SPIDR: variants seen among roughly 807,000 people sequenced by gnomAD.
SPIDR encodes DNA repair-scaffolding protein.
A neutral mutation model predicts 104.6 loss-of-function variants in SPIDR; 93 were observed. The ratio of observed to expected loss-of-function variants is 0.89; its 90% confidence interval spans 0.75 to 1.06. SPIDR has a LOEUF of 1.06. Ranked by LOEUF, SPIDR falls within the 50% of genes least tolerant of loss-of-function variation. The pLI, the probability that SPIDR is intolerant of heterozygous loss-of-function variation, is 0.00. For missense variants in SPIDR, 1,154 were observed against 1,111.2 expected (o/e 1.04, Z -0.55); for synonymous variants, 431 against 416.9 (o/e 1.03, Z -0.41).
chr8:47,373,400 G>A (rs1563773787), intron 5 of SPIDR, among the ~76,000 whole-genome samples: 1 of 152,148 alleles, frequency 6.6e-6, no homozygotes, highest in Non-Finnish European at 1.5e-5. Context: ...AGTACTTTGT[G>A]TGGTGTTTGG....
intron 8 of SPIDR, among the ~76,000 whole-genome samples, chr8:47,505,707 C>T (rs965298119): frequency 9.9e-5 from 15 of 152,182 alleles, no homozygotes; most frequent in Admixed American, 3.3e-4. Context: ...GCGTTGGTCA[C>T]GCTGGGAGCT....
chr8:47,502,845 C>T (rs1586787239), intron 8 of SPIDR, among the ~76,000 whole-genome samples: 1 of 152,166 alleles, frequency 6.6e-6, no homozygotes, highest in Non-Finnish European at 1.5e-5. Context: ...TGTCTTTGTT[C>T]TCATTGGTTT....
At chr8:47,631,391 G>C (rs550312602) in intron 10 of SPIDR, among the ~76,000 whole-genome samples, 21 of 152,334 alleles carry the variant, frequency 1.4e-4, no homozygotes, top group African/African-American at 2.2e-4. Context: ...CAAAGTAAGA[G>C]CTGAGGCTTT....
chr8:47,410,914 G>T (rs1554670879), intron 7 of SPIDR, among the ~76,000 whole-genome samples: 1 of 152,070 alleles, frequency 6.6e-6, no homozygotes, highest in Non-Finnish European at 1.5e-5. Context: ...GTGGTGTTCG[G>T]TTTTTTGTCC....
intron 6 of SPIDR, among the ~76,000 whole-genome samples, chr8:47,405,073 A>T (rs1258209663): frequency 6.6e-6 from 1 of 152,164 alleles, no homozygotes; most frequent in East Asian, 1.9e-4. Flanking sequence ...ATGAAGCTGG[A>T]AACCATCATT....
intron 5 of SPIDR, among the ~76,000 whole-genome samples, chr8:47,331,861 T>A (rs2154268386): frequency 6.7e-6 from 1 of 150,310 alleles, no homozygotes; most frequent in African/African-American, 2.4e-5. Context: ...TACAGAAGTA[T>A]TTTTTTTTGA....
At chr8:47,565,647 TTC>T (rs1488944571) in intron 8 of SPIDR, among the ~76,000 whole-genome samples, 2 of 151,860 alleles carry the variant, frequency 1.3e-5, no homozygotes, top group Non-Finnish European at 2.9e-5. Flanking sequence ...CTCATTTGTA[TTC>T]TTTTTTTATT....
chr8:47,719,651 TAGG>T (rs1589504758), intron 16 of SPIDR, among the ~76,000 whole-genome samples: 2 of 152,094 alleles, frequency 1.3e-5, no homozygotes, highest in East Asian at 3.8e-4. Context: ...GTGAGTGCCC[TAGG>T]AGCCAGGCTG....
At chr8:47,295,261 CTG>C (rs373460269) in intron 5 of SPIDR, among the ~76,000 whole-genome samples, 19 of 152,092 alleles carry the variant, frequency 1.2e-4, no homozygotes, top group African/African-American at 4.3e-4. Context: ...GTAAATCTGT[CTG>C]TGTCATTTCT....
chr8:47,322,896 C>T (rs938255017), intron 5 of SPIDR, among the ~76,000 whole-genome samples: 2 of 151,412 alleles, frequency 1.3e-5, no homozygotes, highest in Non-Finnish European at 2.9e-5. Flanking sequence ...AGTGAGAACA[C>T]GGGGGCACAA....
chr8:47,432,758 A>G (rs1326779091), intron 7 of SPIDR, among the ~76,000 whole-genome samples: 3 of 152,142 alleles, frequency 2.0e-5, no homozygotes, highest in African/African-American at 7.2e-5. Context: ...AAGCTACGGG[A>G]TTTGAGGCTA....
chr8:47,554,169 G>T (rs2090995138), intron 8 of SPIDR, among the ~76,000 whole-genome samples: 1 of 152,168 alleles, frequency 6.6e-6, no homozygotes, highest in African/African-American at 2.4e-5. Context: ...CTACTGGGAG[G>T]TGTCTCCCAG....
chr8:47,618,120 G>A (rs2064592215), intron 10 of SPIDR, among the ~76,000 whole-genome samples: 1 of 152,192 alleles, frequency 6.6e-6, no homozygotes, highest in African/African-American at 2.4e-5. Flanking sequence ...GAGTTAACAC[G>A]CTTTTGTGTA....
intron 10 of SPIDR, among the ~76,000 whole-genome samples, chr8:47,599,541 G>GTT (rs1252668072): frequency 6.6e-6 from 1 of 152,162 alleles, no homozygotes; most frequent in Non-Finnish European, 1.5e-5. Context: ...GCAACATCCA[G>GTT]TTTTATATGT....
chr8:47,723,025 A>ATTGTTGTTG (rs369381394), intron 16 of SPIDR, among the ~76,000 whole-genome samples: 1 of 150,708 alleles, frequency 6.6e-6, no homozygotes, highest in African/African-American at 2.4e-5. Context: ...TGTTGTTGTT[A>ATTGTTGTTG]TTGTTGTTGT....
rs2075014218 is a variant in SPIDR, at chr8:47,467,231, C to T, written c.1097+26689C>T. The stretch of plus-strand genomic sequence containing the variant: ...ATCGAGTCAGTAATAAATACCCTGC[C>T]AACCAAAAAAAGCCCAGGACCAGAC... On this transcript the variant is annotated intron_variant, in intron 8 of 19. Coordinates refer to ENST00000297423, the MANE Select transcript of SPIDR (RefSeq NM_001080394.4). Among the ~76,000 whole-genome samples, 3 of 151,880 alleles carry T rather than the reference C, an allele frequency of 2.0e-5. No individual in the cohort carries two copies. The South Asian group carries it at 6.2e-4, about 32-fold the overall frequency.
rs1026846132 is a variant in SPIDR at position 47,713,375 on chromosome 8, C to G, written c.2189-114C>G. 3.0e-5 allele frequency: 43 copies of G among 1,444,566 alleles called. No homozygotes were observed. The Middle Eastern group carries it at 6.6e-4, about 22-fold the overall frequency. The allele number at this position is 1,444,566 out of a possible 1,614,324, so 89.5% of individuals were successfully genotyped here. A position where few individuals can be genotyped will look rare whatever the true frequency, so the allele number is the denominator to read the frequency against. ...AATGAACGTGCTGCTGGACACAGTC[C>G]CATAACTGCACCTTCACCTGCATGA... is the stretch of plus-strand genomic sequence containing the variant. On this transcript the variant is annotated intron_variant, in intron 15 of 19. Coordinates refer to ENST00000297423, the MANE Select transcript of SPIDR (RefSeq NM_001080394.4).
intron 10 of SPIDR, among the ~76,000 whole-genome samples, chr8:47,618,095 C>T (rs1421708651): frequency 2.0e-5 from 3 of 152,178 alleles, no homozygotes; most frequent in Non-Finnish European, 4.4e-5. Context: ...TCTCTAAAGT[C>T]AGGAGACCAA....
At chr8:47,393,761 TTC>T (rs1486583565) in intron 5 of SPIDR, among the ~76,000 whole-genome samples, 22 of 149,382 alleles carry the variant, frequency 1.5e-4, no homozygotes, top group African/African-American at 5.0e-4. Flanking sequence ...TTCTCTTTCT[TTC>T]TGTCTTTCTT....
Sources: gnomAD v4.1 joint callset for allele counts (sites outside exome capture counted in the v4.1 genomes callset) on GRCh38, gnomAD v4.1.1 for gene constraint, MANE v1.5 for transcripts, NCBI Gene and HGNC (gene_info 2026-07-23, HGNC 2026-07-21) for gene names.